Variants in INTS15 observed in about 807,000 individuals in gnomAD.
The protein encoded by INTS15 is integrator complex subunit 15, also known as uncharacterized protein C7orf26.
chr7:6,608,014 C>T, the INTS15 span: 1 of 1,599,914 alleles, frequency 6.3e-7, no homozygotes, highest in Non-Finnish European at 8.5e-7. Flanking sequence ...ACGCCGCGCT[C>T]CCCCCGGGGT....
At chr7:6,594,710 C>G in the INTS15 span, 1 of 1,003,906 alleles carries the variant, frequency 1.0e-6, no homozygotes, top group African/African-American at 1.6e-5. Context: ...GCTGTTTTGT[C>G]TCTGAAATGT....
chr7:6,602,893 T>A, the INTS15 span: 1 of 373,652 alleles, frequency 2.7e-6, no homozygotes, highest in Admixed American at 3.4e-5. Context: ...GGGACCTGCC[T>A]CATGTCCCTC....
chr7:6,607,981 G>A, the INTS15 span: 6 of 1,599,986 alleles, frequency 3.8e-6, no homozygotes, highest in South Asian at 2.2e-5. This position sits in a 1 kb window ranked among gnomAD's most constrained non-coding sequence, Gnocchi z 6.0. Flanking sequence ...TGGTGATCTC[G>A]GGTCCCGTGC....
the INTS15 span, among the ~76,000 whole-genome samples, chr7:6,593,394 G>A: frequency 1.5e-4 from 22 of 149,074 alleles, no homozygotes; most frequent in East Asian, 4.0e-3. Flanking sequence ...GCAGTGGCGC[G>A]ATCTCGGCTC....
the INTS15 span, chr7:6,607,902 G>A: frequency 3.1e-6 from 5 of 1,588,372 alleles, no homozygotes; most frequent in Admixed American, 1.7e-5. This position sits in a 1 kb window ranked among gnomAD's most constrained non-coding sequence, Gnocchi z 6.0. Context: ...AGCCTACCGT[G>A]CGCACCTGCG....
the INTS15 span, among the ~76,000 whole-genome samples, chr7:6,605,004 T>C: frequency 1.3e-4 from 18 of 141,680 alleles, no homozygotes; most frequent in Non-Finnish European, 2.7e-4. Context: ...TTTTGTTTTG[T>C]TTTTTTGAGA....
At chr7:6,599,847 T>C in the INTS15 span, 21 of 1,613,780 alleles carry the variant, frequency 1.3e-5, no homozygotes, top group Non-Finnish European at 1.6e-5. Context: ...ATTCCACCTA[T>C]GGACTTGCTT....
chr7:6,600,072 C>G, the INTS15 span: 4 of 1,614,176 alleles, frequency 2.5e-6, no homozygotes, highest in Non-Finnish European at 3.4e-6. Flanking sequence ...ACAAAGGACC[C>G]GGGCGTGGGG....
the INTS15 span, among the ~76,000 whole-genome samples, chr7:6,592,095 C>T: frequency 2.3e-3 from 348 of 151,358 alleles, 1 homozygote; most frequent in African/African-American, 7.7e-3. Context: ...CACATGAACC[C>T]GGGAGGCAGA....
the INTS15 span, among the ~76,000 whole-genome samples, chr7:6,594,990 A>G: frequency 6.6e-6 from 1 of 151,714 alleles, no homozygotes; most frequent in African/African-American, 2.4e-5. Context: ...GGCCTCCCAA[A>G]CTGCTAGGAT....
At chr7:6,600,098 C>T in the INTS15 span, 1 of 1,614,210 alleles carries the variant, frequency 6.2e-7, no homozygotes, top group South Asian at 1.1e-5. Context: ...CAGAGACTCC[C>T]ACCTCTTGTA....
At chr7:6,600,112 A>G in the INTS15 span, 1 of 1,614,210 alleles carries the variant, frequency 6.2e-7, no homozygotes, top group Admixed American at 1.7e-5. Flanking sequence ...TCTTGTACTC[A>G]AAACTCCACC....
chr7:6,594,643 A>G, the INTS15 span: 1 of 1,590,456 alleles, frequency 6.3e-7, no homozygotes, highest in African/African-American at 1.3e-5. Flanking sequence ...AGCTTCAGTC[A>G]ATGGCTAGTT....
the INTS15 span, among the ~76,000 whole-genome samples, chr7:6,598,801 T>C: frequency 7.3e-6 from 1 of 136,558 alleles, no homozygotes; most frequent in Non-Finnish European, 1.5e-5. Context: ...TTTTTTTTTT[T>C]CCTGAGGCAG....
At chr7:6,592,270 A>G in the INTS15 span, among the ~76,000 whole-genome samples, 1 of 151,576 alleles carries the variant, frequency 6.6e-6, no homozygotes, top group African/African-American at 2.4e-5. Flanking sequence ...TTGTTTGTTT[A>G]AATTATTTTT....
the INTS15 span, among the ~76,000 whole-genome samples, chr7:6,597,048 G>A: frequency 4.0e-5 from 6 of 151,532 alleles, no homozygotes; most frequent in South Asian, 8.4e-4. Flanking sequence ...AAAAATGCTG[G>A]CATTACAGGC....
chr7:6,599,190 G>A, the INTS15 span, among the ~76,000 whole-genome samples: 7 of 152,256 alleles, frequency 4.6e-5, no homozygotes, highest in East Asian at 5.8e-4. Context: ...AAACGAGTTC[G>A]TCTGTGTAAA....
chr7:6,597,257 G>A, the INTS15 span, among the ~76,000 whole-genome samples: 7 of 151,536 alleles, frequency 4.6e-5, no homozygotes, highest in African/African-American at 1.7e-4. Flanking sequence ...CAATAGGAAA[G>A]ATTTCACTGA....
chr7:6,595,853 A>T, the INTS15 span, among the ~76,000 whole-genome samples: 2 of 151,880 alleles, frequency 1.3e-5, no homozygotes, highest in African/African-American at 2.4e-5. Context: ...TGGCTGACAA[A>T]ACCTGCTTTT....
Sources: gnomAD v4.1 joint callset for allele counts (sites outside exome capture counted in the v4.1 genomes callset) on GRCh38, gnomAD v4.1.1 for gene constraint, Gnocchi (gnomAD v3.1) non-coding constraint, MANE v1.5 for transcripts, NCBI Gene and HGNC (gene_info 2026-07-23, HGNC 2026-07-21) for gene names.